The following CDS1 variants were observed in gnomAD, a reference collection of about 807,000 sequenced individuals.
The protein encoded by CDS1 is phosphatidate cytidylyltransferase 1.
A neutral mutation model predicts 62.1 loss-of-function variants in CDS1; 41 were observed. The observed-to-expected ratio is 0.66, with a 90% CI of 0.51 to 0.86. CDS1 has a LOEUF of 0.86. CDS1 is among the 40% of genes least tolerant of loss of function. The probability of loss-of-function intolerance (pLI) is 0.00; values close to 1 mark genes in which losing one functional copy is unlikely to be tolerated. For missense variants in CDS1, 470 were observed against 550.1 expected, an observed-to-expected ratio of 0.85 and a Z score of 1.46; for synonymous variants, 185 against 192.6, an observed-to-expected ratio of 0.96 and a Z score of 0.32.
At chr4:84,623,226 G>C (rs1247913859) in intron 5 of CDS1, among the ~76,000 whole-genome samples, 1 of 152,126 alleles carries the variant, frequency 6.6e-6, no homozygotes, top group Non-Finnish European at 1.5e-5. Flanking sequence ...CCATCTCTTA[G>C]TTAACACCCT....
intron 9 of CDS1, among the ~76,000 whole-genome samples, chr4:84,640,131 A>G (rs910816290): frequency 5.4e-5 from 8 of 147,658 alleles, no homozygotes; most frequent in South Asian, 2.1e-4. Context: ...GAAATTATAT[A>G]TATATAATAT....
In CDS1 at chr4:84,635,187, C is replaced by T. The variant is rs1578049217; in HGVS notation, c.723-77C>T. On this transcript the variant is annotated intron_variant, in intron 7 of 12. Transcript: ENST00000295887. Reference sequence around the variant, plus strand: ...GTTATTCTGATGGTTCATTATGAATCATAACCTTTCCGAATATCTGCCACT... The same window carrying T: ...GTTATTCTGATGGTTCATTATGAATTATAACCTTTCCGAATATCTGCCACT... The T allele has an allele frequency of 5.6e-6, 4 of 719,776 alleles. No homozygotes were observed. The East Asian group carries it at 7.5e-5, about 13-fold the overall frequency. The allele number at this position is 719,776 out of a possible 1,614,324, so 44.6% of individuals were successfully genotyped here.
chr4:84,635,605 GCCTGCCTGCCTGCCTGCCTGCCTTCCTT>G (rs1724162182), intron 8 of CDS1, among the ~76,000 whole-genome samples: 1 of 92,218 alleles, frequency 1.1e-5, no homozygotes, highest in African/African-American at 4.6e-5. Context: ...CTGCCTGCCT[GCCTGCCTGCCTGCCTGCCTGCCTTCCTT>G]CCTTCCTTCC....
chr4:84,609,322 T>A, intron 2 of CDS1, 107 bp from the exon 3 acceptor site: 1 of 665,126 alleles, frequency 1.5e-6, no homozygotes, highest in South Asian at 2.1e-5. Flanking sequence ...AGTGAAGTAG[T>A]AGAATCTTAT....
intron 5 of CDS1, among the ~76,000 whole-genome samples, chr4:84,622,273 G>A (rs1723710934): frequency 6.6e-6 from 1 of 152,146 alleles, no homozygotes; most frequent in Non-Finnish European, 1.5e-5. Context: ...TTTGTTTCAT[G>A]TGATTATTCT....
chr4:84,608,218 G>A (rs1578028216), intron 2 of CDS1, among the ~76,000 whole-genome samples: 2 of 152,352 alleles, frequency 1.3e-5, no homozygotes, highest in East Asian at 3.9e-4. Context: ...CAGTCGCCCA[G>A]GCTGGAGTGC....
chr4:84,583,350 C>T lies in CDS1; in HGVS notation c.-52C>T, dbSNP rs1722308816. 1 of 1,353,884 alleles carries T rather than the reference C, an allele frequency of 7.4e-7. No homozygotes were observed. The highest frequency in any genetic ancestry group is 1.5e-5 in the African/African-American group (1 of 67,714). 83.9% of individuals were successfully genotyped at this position (1,353,884 alleles called of 1,614,324 possible). ...CCCGCCTGCAGAACCCTGCTTGCAG[C>T]TCAGGTTTCGGGGTGCTTGAGGAGG... On this transcript the variant is annotated 5_prime_UTR_variant, in exon 1 of 13. Transcript: ENST00000295887.
chr4:84,635,696 T>TTCCCTCCTTCCCTCCCTCCCTCCC (rs1724184086), intron 8 of CDS1, among the ~76,000 whole-genome samples: 2 of 58,404 alleles, frequency 3.4e-5, no homozygotes, highest in African/African-American at 7.1e-5. Context: ...CCTTCCCTCC[T>TTCCCTCCTTCCCTCCCTCCCTCCC]TCCCTCCCTC....
At chr4:84,604,749 G>C (rs1400321432) in intron 2 of CDS1, among the ~76,000 whole-genome samples, 1 of 152,118 alleles carries the variant, frequency 6.6e-6, no homozygotes, top group Non-Finnish European at 1.5e-5. Flanking sequence ...TCAAATGCCA[G>C]ACAGAAATAG....
intron 12 of CDS1, 100 bp downstream of exon 12, chr4:84,645,425 T>A (rs1724528902): frequency 2.8e-6 from 2 of 718,992 alleles, no homozygotes. Flanking sequence ...AATGGTAATC[T>A]ACAATATTAA....
At chr4:84,611,957 A>C (rs1276080793) in intron 3 of CDS1, among the ~76,000 whole-genome samples, 2 of 151,970 alleles carry the variant, frequency 1.3e-5, no homozygotes, top group Non-Finnish European at 2.9e-5. Flanking sequence ...AGCACTTTTC[A>C]ATGCTAGGTG....
At chr4:84,599,745 A>G (rs1722879499) in intron 1 of CDS1, among the ~76,000 whole-genome samples, 1 of 152,110 alleles carries the variant, frequency 6.6e-6, no homozygotes, top group Non-Finnish European at 1.5e-5. Flanking sequence ...ACAAGAGAAT[A>G]TTCCACTGTA....
rs548727109 is a variant in CDS1 at position 84,589,499 on chromosome 4, A to G, written c.117+5981A>G. ...CCATTAATAAAATACTAATGTTTAG[A>G]TCTAGATTTCTGGACTACCATTTGG... is the stretch of plus-strand genomic sequence containing the variant. On this transcript the variant is annotated intron_variant, in intron 1 of 12. Transcript: ENST00000295887. Among the ~76,000 whole-genome samples, 5 of 152,332 alleles carry G rather than the reference A, an allele frequency of 3.3e-5. No individual in the cohort carries two copies. The South Asian group carries it at 1.0e-3, about 32-fold the overall frequency.
At chr4:84,605,846 C>T (rs972398559) in intron 2 of CDS1, among the ~76,000 whole-genome samples, 8 of 152,254 alleles carry the variant, frequency 5.3e-5, no homozygotes, top group Admixed American at 3.9e-4. Context: ...CTAATATTCT[C>T]ATGGCAGCCT....
chr4:84,637,434 G>A (rs1313653827), intron 8 of CDS1, among the ~76,000 whole-genome samples: 1 of 152,120 alleles, frequency 6.6e-6, no homozygotes, highest in Non-Finnish European at 1.5e-5. Context: ...CATCTTATAT[G>A]GTCAGAGCAG....
chr4:84,608,136 G>A (rs1270036783), intron 2 of CDS1, among the ~76,000 whole-genome samples: 1 of 152,214 alleles, frequency 6.6e-6, no homozygotes, highest in Non-Finnish European at 1.5e-5. Context: ...CAGCAGGAAA[G>A]CTCTGCTCTG....
At chr4:84,614,409 G>A (rs1415825577) in intron 3 of CDS1, among the ~76,000 whole-genome samples, 1 of 152,038 alleles carries the variant, frequency 6.6e-6, no homozygotes, top group Non-Finnish European at 1.5e-5. Context: ...ATCATTTAAA[G>A]TTATTCAAAT....
intron 2 of CDS1, among the ~76,000 whole-genome samples, chr4:84,605,688 A>T (rs796188298): frequency 2.6e-4 from 39 of 152,234 alleles, no homozygotes; most frequent in African/African-American, 7.5e-4. Flanking sequence ...ATGATGCCAG[A>T]TTTGTGTGTG....
intron 12 of CDS1, among the ~76,000 whole-genome samples, chr4:84,648,028 C>T (rs1054992319): frequency 6.6e-5 from 10 of 152,130 alleles, no homozygotes; most frequent in Admixed American, 2.0e-4. Context: ...ACCTGTATCA[C>T]TGGTAAGGGG....
Sources: allele counts gnomAD v4.1 joint callset (sites outside exome capture counted in the v4.1 genomes callset), GRCh38; gene constraint gnomAD v4.1.1; transcripts MANE v1.5; gene names NCBI Gene and HGNC (gene_info 2026-07-23, HGNC 2026-07-21).